Variants in COPS8 observed in about 807,000 individuals in gnomAD.
COPS8 encodes the protein COP9 signalosome complex subunit 8.
In COPS8, 11 loss-of-function variants were observed where a neutral mutation model predicts 31.5. The ratio of observed to expected loss-of-function variants is 0.35; its 90% CI spans 0.22 to 0.58. The LOEUF (loss-of-function observed/expected upper bound fraction) is 0.58. Ranked by LOEUF, COPS8 falls within the 20% of genes least tolerant of loss-of-function variation. COPS8 has a pLI of 0.83. For synonymous variants in COPS8, 81 were observed against 89.3 expected (o/e 0.91, Z 0.52); for missense variants, 215 against 255.1 (o/e 0.84, Z 1.07).
chr2:237,093,500 G>A (rs1013191623), intron 4 of COPS8, among the ~76,000 whole-genome samples: 1 of 152,112 alleles, frequency 6.6e-6, no homozygotes, highest in Non-Finnish European at 1.5e-5. Context: ...AATCCTAAAT[G>A]CCACTTTCAG....
chr2:237,094,130 G>T lies in COPS8; in HGVS notation c.372G>T (p.Ala124=). Residue 124 remains alanine (A), a synonymous_variant, in exon 5 of 8, where the codon GCG becomes GCT. Transcript: ENST00000354371. The part of the protein sequence containing the change: ...RRRAFALVSQ[A]YTSIIADDFA... ...GCGCCTTTGCCCTGGTCTCTCAAGCGTATACTTCAATCATCGCCGATGATT... is the reference window on the plus strand; with the variant it reads ...GCGCCTTTGCCCTGGTCTCTCAAGCTTATACTTCAATCATCGCCGATGATT... 1 of 1,613,810 alleles carries T rather than the reference G, an allele frequency of 6.2e-7. No individual in the cohort carries two copies. Among genetic ancestry groups the T allele is most frequent in the Non-Finnish European group, 8.5e-7 (1 of 1,179,856 alleles).
In COPS8 at chr2:237,096,813, T is replaced by G. The variant is rs1175061805; in HGVS notation, c.503-9T>G. ...TAAATTGAGCTGTACATTTTTTTTT[T>G]GAATTTAGTTGCAGGGGCCCTGGAT... On this transcript the variant is annotated splice_polypyrimidine_tract_variant and intron_variant, in intron 6 of 7. Transcript: ENST00000354371. The G allele has an allele frequency of 1.2e-6, 2 of 1,607,632 alleles. No individual in the cohort carries two copies. Among genetic ancestry groups the G allele is most frequent in the Non-Finnish European group, 1.7e-6 (2 of 1,175,522 alleles).
At chr2:237,096,904 C>T in intron 7 of COPS8, 35 bp downstream of exon 7, 1 of 1,445,632 alleles carries the variant, frequency 6.9e-7, no homozygotes, top group Non-Finnish European at 9.7e-7. Flanking sequence ...TTTAATGTCT[C>T]ATTGTTCCTA....
intron 7 of COPS8, among the ~76,000 whole-genome samples, chr2:237,097,224 C>CTTTTTTT (rs996251270): frequency 1.4e-3 from 139 of 95,952 alleles, no homozygotes; most frequent in South Asian, 2.5e-3. Context: ...TGTGGGTTTT[C>CTTTTTTT]TTTTTTTTTT....
At position 237,094,149 on chromosome 2, in the gene COPS8, G is replaced by A. The variant is rs780058598; in HGVS notation, c.391G>A (p.Asp131Asn). ...VSQAYTSIIA[D>N]DFAAFVGLPV... ...TCAAGCGTATACTTCAATCATCGCC[G>A]ATGATTTTGCAGCCTTTGTTGGACT... The change falls in exon 5 of 8, where the codon GAT becomes AAT. Residue 131 changes from aspartate to asparagine, a missense_variant. By Grantham distance (23) the Asp-to-Asn change is conservative. Coordinates refer to ENST00000354371, the MANE Select transcript of COPS8 (RefSeq NM_006710.5). 1.9e-5 allele frequency: 31 copies of A among 1,614,022 alleles called. No individual in the cohort carries two copies. Among genetic ancestry groups the A allele is most frequent in the South Asian group, 3.3e-5 (3 of 91,066 alleles).
intron 4 of COPS8, chr2:237,093,614 C>G: frequency 1.2e-6 from 1 of 817,886 alleles, no homozygotes; most frequent in Non-Finnish European, 1.5e-6. Flanking sequence ...GAGTTTGATG[C>G]AGACTTGGAA....
intron 5 of COPS8, among the ~76,000 whole-genome samples, chr2:237,094,691 C>T (rs1289777876): frequency 6.6e-6 from 1 of 152,104 alleles, no homozygotes; most frequent in Non-Finnish European, 1.5e-5. Flanking sequence ...TGGCCAGGTG[C>T]AGTGGCTCAC....
chr2:237,086,316 T>TA (rs1468611267), intron 1 of COPS8, among the ~76,000 whole-genome samples: 3 of 152,126 alleles, frequency 2.0e-5, no homozygotes, highest in Non-Finnish European at 2.9e-5. Context: ...TGAGCTCATA[T>TA]TAATTAGGCA....
intron 2 of COPS8, 28 bp downstream of exon 2, chr2:237,087,225 G>A: frequency 1.3e-6 from 2 of 1,525,284 alleles, no homozygotes; most frequent in Non-Finnish European, 1.8e-6. Context: ...AAAGCTAAGA[G>A]CAACAGGTTT....
At chr2:237,093,597 CAGT>C in intron 4 of COPS8, 1 of 696,526 alleles carries the variant, frequency 1.4e-6, no homozygotes, top group Non-Finnish European at 1.8e-6. Context: ...AACCTTAATT[CAGT>C]CAAGAGTTTG....
intron 2 of COPS8, chr2:237,087,428 G>A (rs981409206): frequency 3.5e-5 from 18 of 512,248 alleles, no homozygotes; most frequent in African/African-American, 1.2e-4. Context: ...GACAAATTAC[G>A]TCAGTAAATT....
At chr2:237,091,368 A>G (rs1037435950) in intron 4 of COPS8, among the ~76,000 whole-genome samples, 4 of 152,214 alleles carry the variant, frequency 2.6e-5, no homozygotes, top group African/African-American at 9.6e-5. Context: ...TGTGATTAGA[A>G]ATAGTACTTT....
At chr2:237,088,094 T>G (rs886424707) in intron 2 of COPS8, among the ~76,000 whole-genome samples, 1 of 152,186 alleles carries the variant, frequency 6.6e-6, no homozygotes, top group African/African-American at 2.4e-5. Context: ...TATGTAAGGT[T>G]TTTGTTTTTG....
In COPS8 at chr2:237,085,935, G is replaced by C; in HGVS notation, c.-30G>C. 6.2e-7 allele frequency: 1 copy of C among 1,606,690 alleles called. No homozygotes were observed. The highest frequency in any genetic ancestry group is 8.5e-7 in the Non-Finnish European group (1 of 1,176,134). On this transcript the variant is annotated 5_prime_UTR_variant, in exon 1 of 8. Coordinates refer to ENST00000354371, the MANE Select transcript of COPS8 (RefSeq NM_006710.5). ...GGACAGTCTGGGGTTTGGCTGTCCG[G>C]ACGGTGCAGCGGCGAGGCCGGCCGC...
At chr2:237,088,774 A>C in intron 3 of COPS8, 121 bp downstream of exon 3, 1 of 574,272 alleles carries the variant, frequency 1.7e-6, no homozygotes, top group East Asian at 3.0e-5. Flanking sequence ...ATTGGTATTA[A>C]GGATTCGAAA....
chr2:237,088,347 A>C (rs768907387), intron 2 of COPS8, among the ~76,000 whole-genome samples: 3 of 152,214 alleles, frequency 2.0e-5, no homozygotes, highest in Non-Finnish European at 4.4e-5. Flanking sequence ...CTGTTGCCTA[A>C]ATTTAGGATA....
rs1171053320 is a variant in COPS8, at chr2:237,095,852, C to G, written c.470C>G (p.Ser157Cys). 6.2e-7 allele frequency: 1 copy of G among 1,613,196 alleles called. No individual in the cohort carries two copies. ...TTAGAACAAGGATGGCAAGCTGATT[C>G]CACCACAAGAATGGTTCTGCCCAGA... is the stretch of plus-strand genomic sequence containing the variant. ...GILEQGWQAD[S>C]TTRMVLPRKP... Residue 157 changes from serine to cysteine, a missense_variant, in exon 6 of 8, where the codon TCC (serine) becomes TGC (cysteine). Transcript: ENST00000354371.
chr2:237,086,405 A>G (rs1203977167), intron 1 of COPS8, among the ~76,000 whole-genome samples: 1 of 151,906 alleles, frequency 6.6e-6, no homozygotes, highest in Non-Finnish European at 1.5e-5. Flanking sequence ...CACACACACT[A>G]ACACACACAC....
chr2:237,092,118 T>C (rs1432367674), intron 4 of COPS8, among the ~76,000 whole-genome samples: 1 of 152,226 alleles, frequency 6.6e-6, no homozygotes, highest in Non-Finnish European at 1.5e-5. Context: ...TGTTAGCATT[T>C]GTTTTCACCA....
Sources: allele counts gnomAD v4.1 joint callset (sites outside exome capture counted in the v4.1 genomes callset), GRCh38; gene constraint gnomAD v4.1.1; transcripts MANE v1.5; gene names NCBI Gene and HGNC (gene_info 2026-07-23, HGNC 2026-07-21).